COL21A1: variants seen among roughly 807,000 people sequenced by gnomAD.
The protein encoded by COL21A1 is collagen type XXI alpha 1 chain, also known as collagen alpha-1(XXI) chain.
A neutral mutation model predicts 137.9 loss-of-function variants in COL21A1; 149 were observed. The observed-to-expected ratio is 1.08, with a 90% confidence interval of 0.95 to 1.24. The LOEUF is 1.24. Ranked by LOEUF, COL21A1 falls within the 50% of genes most tolerant of loss-of-function variation. The pLI is 0.00. For missense variants in COL21A1, 1,167 were observed against 1,158.4 expected (o/e 1.01, Z -0.11); for synonymous variants, 456 against 391.5 (o/e 1.16, Z -1.95).
intron 17 of COL21A1, among the ~76,000 whole-genome samples, chr6:56,087,489 T>G (rs1768377007): frequency 6.6e-6 from 1 of 152,144 alleles, no homozygotes; most frequent in Non-Finnish European, 1.5e-5. Flanking sequence ...TCAAAAGAAC[T>G]TTAAAATGCA....
Position 56,243,515 on chromosome 6 carries a change from C to T in COL21A1, c.-39+3872G>A, listed in dbSNP as rs541791675. On this transcript the variant is annotated intron_variant, in intron 1 of 29. Coordinates refer to ENST00000244728, the MANE Select transcript of COL21A1 (RefSeq NM_030820.4). Reference sequence around the variant, plus strand: ...ATTACTATTTCCTTTTAGGATCTCACTTTCAGAGGTGAAAACAGAAAAGAG... The same window carrying T: ...ATTACTATTTCCTTTTAGGATCTCATTTTCAGAGGTGAAAACAGAAAAGAG... 6.9e-4 allele frequency among the ~76,000 whole-genome samples: 105 copies of T among 152,302 alleles called. 1 individual carries two copies. Among genetic ancestry groups the T allele is most frequent in the South Asian group, 4.4e-3 (21 of 4,826 alleles).
intron 1 of COL21A1, among the ~76,000 whole-genome samples, chr6:56,219,883 C>T (rs1780723435): frequency 6.6e-6 from 1 of 152,012 alleles, no homozygotes. Context: ...TTATTAAATG[C>T]CTGATAAACA....
At chr6:56,067,776 A>G (rs1766393546) in intron 22 of COL21A1, among the ~76,000 whole-genome samples, 1 of 151,764 alleles carries the variant, frequency 6.6e-6, no homozygotes, top group African/African-American at 2.4e-5. Context: ...GAAAACATAT[A>G]TTTCAAAAGT....
chr6:56,362,702 C>T (rs1296202023), intron 1 of COL21A1, among the ~76,000 whole-genome samples: 2 of 152,110 alleles, frequency 1.3e-5, no homozygotes, highest in South Asian at 2.1e-4. Flanking sequence ...GAATTCCTGC[C>T]AGCATTTATA....
chr6:56,060,285 AT>A (rs910121634), intron 27 of COL21A1, 67 bp from the exon 28 acceptor site: 6 of 1,335,814 alleles, frequency 4.5e-6, no homozygotes, highest in Non-Finnish European at 6.1e-6. Context: ...TATATTTTTA[AT>A]TTTTTTCAGT....
intron 10 of COL21A1, among the ~76,000 whole-genome samples, chr6:56,155,030 G>C (rs980873587): frequency 6.6e-6 from 1 of 152,050 alleles, no homozygotes; most frequent in Non-Finnish European, 1.5e-5. Flanking sequence ...ATTAAGCCTA[G>C]TACCCATTAG....
chr6:56,078,043 T>A (rs1219200561), intron 17 of COL21A1: 1 of 455,268 alleles, frequency 2.2e-6, no homozygotes, highest in Non-Finnish European at 4.4e-6. Context: ...CCCAAGAACC[T>A]AAATATTCAT....
chr6:56,147,422 G>A (rs772597906), intron 10 of COL21A1, among the ~76,000 whole-genome samples: 1 of 151,208 alleles, frequency 6.6e-6, no homozygotes, highest in African/African-American at 2.4e-5. Context: ...AGAGTGCCAG[G>A]AATACAGTAA....
chr6:56,169,378 A>G (rs1324085983), intron 5 of COL21A1, among the ~76,000 whole-genome samples: 1 of 151,948 alleles, frequency 6.6e-6, no homozygotes, highest in Non-Finnish European at 1.5e-5. Context: ...TTATTTATGG[A>G]CAGAAGAAGA....
At chr6:56,196,964 C>T (rs1164028255) in intron 1 of COL21A1, among the ~76,000 whole-genome samples, 19 of 152,164 alleles carry the variant, frequency 1.2e-4, no homozygotes, top group African/African-American at 4.1e-4. Context: ...AGGCATCACA[C>T]TTCCTGATTC....
chr6:56,375,933 G>C (rs1047351795), intron 1 of COL21A1, among the ~76,000 whole-genome samples: 1 of 152,170 alleles, frequency 6.6e-6, no homozygotes, highest in African/African-American at 2.4e-5. Flanking sequence ...TTCACTTTTA[G>C]AGATGGAAGT....
intron 12 of COL21A1, 82 bp from the exon 13 acceptor site, chr6:56,126,231 T>C: frequency 1.2e-6 from 1 of 868,180 alleles, no homozygotes; most frequent in Non-Finnish European, 1.8e-6. Flanking sequence ...AACCTCACCC[T>C]TGTCAAAATC....
intron 17 of COL21A1, among the ~76,000 whole-genome samples, chr6:56,097,856 A>AAAATAAT (rs1246419750): frequency 1.1e-5 from 1 of 90,244 alleles, no homozygotes; most frequent in Non-Finnish European, 2.0e-5. Context: ...AATATATATA[A>AAAATAAT]ATATATAAAA....
intron 1 of COL21A1, among the ~76,000 whole-genome samples, chr6:56,355,800 T>A (rs1355734893): frequency 6.6e-6 from 1 of 152,170 alleles, no homozygotes; most frequent in East Asian, 1.9e-4. Flanking sequence ...CCAAAGATAT[T>A]CTTATACTAT....
upstream of COL21A1, chr6:56,247,728 C>T (rs1171770585): frequency 6.6e-6 from 1 of 152,254 alleles, no homozygotes; most frequent in Admixed American, 6.5e-5. Flanking sequence ...CAGTTCAAAT[C>T]CTGCTAGCAT....
chr6:56,060,062 C>T lies in COL21A1; in HGVS notation c.2564G>A (p.Gly855Glu). The change falls in exon 28 of 30, where the codon GGA becomes GAA. Residue 855 changes from glycine (G) to glutamate (E), a missense_variant. Transcript: ENST00000244728. ...TGGACGTCCAGGGACACCCACTAAT[C>T]CAGGAACACCATCTCTTCCTGGCAA... is the stretch of plus-strand genomic sequence containing the variant. ...PGLPGRDGVP[G>E]LVGVPGRPGV... The T allele has an allele frequency of 6.2e-7, 1 of 1,610,320 alleles. No individual in the cohort carries two copies. Among genetic ancestry groups the T allele is most frequent in the Non-Finnish European group, 8.5e-7 (1 of 1,178,790 alleles).
At chr6:56,378,853 C>T (rs2094004217) in intron 1 of COL21A1, among the ~76,000 whole-genome samples, 1 of 152,304 alleles carries the variant, frequency 6.6e-6, no homozygotes, top group South Asian at 2.1e-4. Flanking sequence ...TGTCACTCCA[C>T]CCCCAGCTTC....
chr6:56,117,160 C>T (rs567022990), intron 16 of COL21A1, among the ~76,000 whole-genome samples: 106 of 151,754 alleles, frequency 7.0e-4, no homozygotes, highest in Non-Finnish European at 1.4e-3. Context: ...GACTGGCTGA[C>T]TGGATGAAAA....
chr6:56,277,828 G>C (rs1763703375), intron 1 of COL21A1, among the ~76,000 whole-genome samples: 1 of 152,196 alleles, frequency 6.6e-6, no homozygotes. Context: ...AGACAGAAAG[G>C]TGGTTATTAA....
Sources: gnomAD v4.1 joint callset for allele counts (sites outside exome capture counted in the v4.1 genomes callset) on GRCh38, gnomAD v4.1.1 for gene constraint, MANE v1.5 for transcripts, NCBI Gene and HGNC (gene_info 2026-07-23, HGNC 2026-07-21) for gene names.